Variants in CNTN4 observed in about 807,000 individuals in gnomAD.
CNTN4 encodes the protein contactin 4, also known as contactin-4.
Under a neutral mutation model 122.5 loss-of-function variants are expected in CNTN4, and 77 were observed. That is an observed-to-expected ratio of 0.63 (90% CI 0.52 to 0.76). The LOEUF is 0.76. Ranked by LOEUF, CNTN4 falls within the 30% of genes least tolerant of loss-of-function variation. The pLI is 0.00. For missense variants in CNTN4, 1,256 were observed against 1,259.1 expected (o/e 1.00, Z 0.04); for synonymous variants, 512 against 447.0 (o/e 1.15, Z -1.83).
chr3:2,837,927 C>A (rs932402817), intron 7 of CNTN4, among the ~76,000 whole-genome samples: 1 of 152,184 alleles, frequency 6.6e-6, no homozygotes, highest in Non-Finnish European at 1.5e-5. Flanking sequence ...TACCCAGCAG[C>A]AATCTTTAAC....
intron 2 of CNTN4, among the ~76,000 whole-genome samples, chr3:2,109,327 A>T (rs75675638): frequency 6.6e-6 from 1 of 152,112 alleles, no homozygotes; most frequent in Non-Finnish European, 1.5e-5. Flanking sequence ...AAGAAAGTGA[A>T]GGTTAGGGCA....
At chr3:2,680,328 C>A (rs965448116) in intron 4 of CNTN4, among the ~76,000 whole-genome samples, 4 of 152,082 alleles carry the variant, frequency 2.6e-5, no homozygotes, top group African/African-American at 9.7e-5. Context: ...AAAGGGCATG[C>A]TGGGAAGAGG....
At position 2,668,365 on chromosome 3, in the gene CNTN4, G is replaced by C. The variant is rs1454750375; in HGVS notation, c.56-67850G>C. On this transcript the variant is annotated intron_variant, in intron 4 of 24. Transcript: ENST00000418658. ...TTCTCTTTGAAGCAATTGTGAATGG[G>C]AGTTCACTCATGATTTGGCTCTCTG... Among the ~76,000 whole-genome samples the C allele has an allele frequency of 6.6e-5, 10 of 152,246 alleles. No homozygotes were observed. The East Asian group carries it at 1.4e-3, about 21-fold the overall frequency.
At chr3:2,992,681 C>T (rs560906492) in intron 14 of CNTN4, among the ~76,000 whole-genome samples, 2 of 152,240 alleles carry the variant, frequency 1.3e-5, no homozygotes, top group East Asian at 1.9e-4. Context: ...AATAGCAACC[C>T]TCACTCCTAT....
At chr3:2,284,265 A>C (rs2041828511) in intron 2 of CNTN4, among the ~76,000 whole-genome samples, 1 of 152,118 alleles carries the variant, frequency 6.6e-6, no homozygotes, top group Non-Finnish European at 1.5e-5. Flanking sequence ...TAAGAATAGG[A>C]AATAAGCTTT....
chr3:2,702,416 A>G (rs372395567), intron 4 of CNTN4, among the ~76,000 whole-genome samples: 2 of 152,218 alleles, frequency 1.3e-5, no homozygotes, highest in South Asian at 4.1e-4. Context: ...GATGTAGCAT[A>G]TTTTCATTAT....
At chr3:2,986,662 AGACCCCTGTTTCAGATATTTGAAAG>A (rs1694606908) in intron 13 of CNTN4, among the ~76,000 whole-genome samples, 1 of 152,226 alleles carries the variant, frequency 6.6e-6, no homozygotes, top group African/African-American at 2.4e-5. Flanking sequence ...TGCCCATCCT[AGACCCCTGTTTCAGATATTTGAAAG>A]GACTCTGTTA....
chr3:2,762,558 T>G (rs1207877846), intron 6 of CNTN4, among the ~76,000 whole-genome samples: 1 of 152,216 alleles, frequency 6.6e-6, no homozygotes, highest in Non-Finnish European at 1.5e-5. Flanking sequence ...GTACCACATT[T>G]TCTTTATCAG....
chr3:2,980,150 G>A (rs764419941), intron 13 of CNTN4, among the ~76,000 whole-genome samples: 6 of 152,218 alleles, frequency 3.9e-5, no homozygotes, highest in Non-Finnish European at 8.8e-5. Context: ...GTCCAGATTT[G>A]TTCCTATCCT....
At chr3:3,034,936 C>T in intron 17 of CNTN4, 146 bp downstream of exon 17, 1 of 871,038 alleles carries the variant, frequency 1.1e-6, no homozygotes, top group Admixed American at 1.9e-5. Context: ...GCCAACTGTA[C>T]TATCATTAAT....
intron 13 of CNTN4, among the ~76,000 whole-genome samples, chr3:2,982,652 T>A (rs1419006354): frequency 6.6e-6 from 1 of 152,146 alleles, no homozygotes; most frequent in Non-Finnish European, 1.5e-5. Flanking sequence ...CTGGTTTTGA[T>A]GGCATGCTTC....
chr3:2,188,887 C>T (rs770724191), intron 2 of CNTN4, among the ~76,000 whole-genome samples: 1 of 152,084 alleles, frequency 6.6e-6, no homozygotes, highest in Non-Finnish European at 1.5e-5. Context: ...ACAAAGACTC[C>T]CTGTGCCCTC....
At chr3:2,327,892 C>T (rs1292647574) in intron 2 of CNTN4, among the ~76,000 whole-genome samples, 1 of 152,126 alleles carries the variant, frequency 6.6e-6, no homozygotes, top group South Asian at 2.1e-4. Context: ...AGGAAACAGC[C>T]AAAGCAGACC....
intron 4 of CNTN4, among the ~76,000 whole-genome samples, chr3:2,592,319 C>G (rs2080534839): frequency 2.0e-5 from 3 of 152,168 alleles, no homozygotes; most frequent in Admixed American, 2.0e-4. Context: ...TGATTTATAT[C>G]ATTGCAAATA....
intron 4 of CNTN4, among the ~76,000 whole-genome samples, chr3:2,615,281 A>C (rs1212339203): frequency 1.3e-5 from 2 of 152,224 alleles, no homozygotes; most frequent in Non-Finnish European, 2.9e-5. Flanking sequence ...CAATGAGAAA[A>C]GCAACTAATT....
intron 2 of CNTN4, among the ~76,000 whole-genome samples, chr3:2,180,158 T>G (rs1328824916): frequency 6.6e-6 from 1 of 151,988 alleles, no homozygotes; most frequent in Non-Finnish European, 1.5e-5. Context: ...TTTATGAGTT[T>G]CAATTTCCTA....
At chr3:2,807,835 G>A (rs565800721) in intron 6 of CNTN4, among the ~76,000 whole-genome samples, 1 of 152,256 alleles carries the variant, frequency 6.6e-6, no homozygotes, top group East Asian at 1.9e-4. Flanking sequence ...AGGAAGTACT[G>A]ATAACATCTG....
intron 2 of CNTN4, among the ~76,000 whole-genome samples, chr3:2,313,144 A>T (rs1011363847): frequency 6.6e-6 from 1 of 152,054 alleles, no homozygotes; most frequent in Non-Finnish European, 1.5e-5. Flanking sequence ...GAAACAAAAA[A>T]TAGAAAACAA....
intron 4 of CNTN4, among the ~76,000 whole-genome samples, chr3:2,713,744 T>C (rs1170699224): frequency 1.3e-5 from 2 of 152,164 alleles, no homozygotes; most frequent in African/African-American, 4.8e-5. Context: ...AAAATGAGAA[T>C]GTTGAGAGAT....
Sources: gnomAD v4.1 joint callset for allele counts (sites outside exome capture counted in the v4.1 genomes callset) on GRCh38, gnomAD v4.1.1 for gene constraint, MANE v1.5 for transcripts, NCBI Gene and HGNC (gene_info 2026-07-23, HGNC 2026-07-21) for gene names.